Variants in PTPN9 observed in about 807,000 individuals in gnomAD.
PTPN9 encodes protein tyrosine phosphatase non-receptor type 9.
Under a neutral mutation model 69.8 loss-of-function variants are expected in PTPN9, and 26 were observed. The ratio of observed to expected loss-of-function variants is 0.37; its 90% CI spans 0.27 to 0.52. The LOEUF (loss-of-function observed/expected upper bound fraction) is 0.52, where lower values mean the gene tolerates loss of function less well. Ranked by LOEUF, PTPN9 falls within the 20% of genes least tolerant of loss-of-function variation. The probability of loss-of-function intolerance (pLI) is 0.91; values close to 1 mark genes in which losing one functional copy is unlikely to be tolerated. For missense variants in PTPN9, 549 were observed against 740.3 expected, an observed-to-expected ratio of 0.74 and a Z score of 3.00; for synonymous variants, 274 against 272.5, an observed-to-expected ratio of 1.01 and a Z score of -0.05.
At chr15:75,495,309 G>A (rs2074733569) in intron 7 of PTPN9, among the ~76,000 whole-genome samples, 3 of 151,888 alleles carry the variant, frequency 2.0e-5, no homozygotes, top group Admixed American at 6.6e-5. Flanking sequence ...AAAAAGTTCT[G>A]AAAGTGAGGT....
Position 75,486,905 on chromosome 15 carries a change from C to T in PTPN9, c.1062+3303G>A, listed in dbSNP as rs540914023. 2.1e-3 allele frequency among the ~76,000 whole-genome samples: 324 copies of T among 151,758 alleles called. 2 individuals are homozygous for T. Among genetic ancestry groups the T allele is most frequent in the African/African-American group, 7.4e-3 (306 of 41,356 alleles). On this transcript the variant is annotated intron_variant, in intron 8 of 12. Coordinates refer to ENST00000618819, the MANE Select transcript of PTPN9 (RefSeq NM_002833.4). ...GTTCATGCCATTCTCCTGCCTCGGC[C>T]TCCCGAGTAGCTGGGACTACAGGCG...
chr15:75,565,109 T>TA (rs2075121078), intron 1 of PTPN9, among the ~76,000 whole-genome samples: 1 of 141,808 alleles, frequency 7.1e-6, no homozygotes, highest in Admixed American at 7.2e-5. Flanking sequence ...TCAAAAAATA[T>TA]ATAATAATAA....
intron 1 of PTPN9, among the ~76,000 whole-genome samples, chr15:75,532,893 C>T (rs1177559461): frequency 6.6e-6 from 1 of 152,156 alleles, no homozygotes; most frequent in Non-Finnish European, 1.5e-5. Context: ...TTAACATGAC[C>T]ACTGAGTACA....
intron 8 of PTPN9, among the ~76,000 whole-genome samples, chr15:75,485,879 T>C (rs1041392183): frequency 6.6e-6 from 1 of 150,410 alleles, no homozygotes; most frequent in Admixed American, 6.6e-5. Context: ...GGCGGGCAGA[T>C]CACGAGGTCA....
intron 8 of PTPN9, among the ~76,000 whole-genome samples, chr15:75,482,255 G>C (rs1852213266): frequency 1.3e-5 from 2 of 152,004 alleles, no homozygotes; most frequent in East Asian, 3.9e-4. Flanking sequence ...GATGCTTGAA[G>C]GCAGCATGCT....
At chr15:75,576,493 T>G (rs1383700543) in intron 1 of PTPN9, among the ~76,000 whole-genome samples, 1 of 143,724 alleles carries the variant, frequency 7.0e-6, no homozygotes, top group African/African-American at 2.6e-5. Context: ...GATCACGCCA[T>G]TGTACTCCAG....
chr15:75,551,523 C>G (rs1034560239), intron 1 of PTPN9, among the ~76,000 whole-genome samples: 1 of 152,126 alleles, frequency 6.6e-6, no homozygotes, highest in African/African-American at 2.4e-5. Context: ...CAAAGCCCAG[C>G]TAATTTTTCT....
At chr15:75,489,098 C>T (rs1388884825) in intron 8 of PTPN9, among the ~76,000 whole-genome samples, 4 of 144,506 alleles carry the variant, frequency 2.8e-5, no homozygotes, top group African/African-American at 1.1e-4. Context: ...TGGCGTGAAC[C>T]TGGGAGGTGG....
At position 75,490,334 on chromosome 15, in the gene PTPN9, A is replaced by C. The variant is rs770571563; in HGVS notation, c.969-33T>G. ...AAACGAAACAAACAAGCAAGAATAA[A>C]GAAAAAGTGGGGACAGTATGTATGT... On this transcript the variant is annotated intron_variant, in intron 7 of 12. Transcript: ENST00000618819. The C allele has an allele frequency of 4.1e-6, 6 of 1,480,062 alleles. No homozygotes were observed. The South Asian group carries it at 5.7e-5, about 14-fold the overall frequency. The allele number at this position is 1,480,062 out of a possible 1,614,324, so 91.7% of individuals were successfully genotyped here. A position where few individuals can be genotyped will look rare whatever the true frequency, so the allele number is the denominator to read the frequency against.
At chr15:75,469,712 G>C (rs2074553731) in intron 12 of PTPN9, 80 bp downstream of exon 12, 1 of 1,463,536 alleles carries the variant, frequency 6.8e-7, no homozygotes, top group Admixed American at 1.7e-5. Flanking sequence ...TCCAATCACA[G>C]ATGTGGGCTA....
At chr15:75,538,131 G>C (rs1407555437) in intron 1 of PTPN9, among the ~76,000 whole-genome samples, 1 of 152,072 alleles carries the variant, frequency 6.6e-6, no homozygotes, top group South Asian at 2.1e-4. Flanking sequence ...CACATTACAG[G>C]CTTCTCCGAG....
At chr15:75,503,750 G>A (rs2074791516) in intron 7 of PTPN9, among the ~76,000 whole-genome samples, 1 of 108,936 alleles carries the variant, frequency 9.2e-6, no homozygotes, top group Non-Finnish European at 1.9e-5. Flanking sequence ...CCGGCCAGCC[G>A]CCCCATCCGG....
chr15:75,472,926 G>A (rs1470572991), intron 10 of PTPN9, among the ~76,000 whole-genome samples: 1 of 151,920 alleles, frequency 6.6e-6, no homozygotes, highest in African/African-American at 2.4e-5. Context: ...CTCCAGCCTG[G>A]TGGCAGAGTG....
intron 7 of PTPN9, among the ~76,000 whole-genome samples, chr15:75,504,571 GC>G (rs2074804247): frequency 7.1e-6 from 1 of 139,864 alleles, no homozygotes; most frequent in Non-Finnish European, 1.6e-5. Context: ...GGGCGCCTCT[GC>G]CCTGCCGCCC....
chr15:75,516,823 C>T (rs892410007), intron 5 of PTPN9, among the ~76,000 whole-genome samples: 5 of 149,056 alleles, frequency 3.4e-5, no homozygotes, highest in Non-Finnish European at 7.4e-5. Flanking sequence ...CGGCTCACTG[C>T]AACCTCTGCC....
At chr15:75,535,549 C>T (rs2074979331) in intron 1 of PTPN9, among the ~76,000 whole-genome samples, 1 of 152,022 alleles carries the variant, frequency 6.6e-6, no homozygotes, top group Admixed American at 6.6e-5. Context: ...AGAACAAACA[C>T]CATGAAAAAA....
At chr15:75,577,600 G>T (rs1444861887) in intron 1 of PTPN9, among the ~76,000 whole-genome samples, 1 of 152,120 alleles carries the variant, frequency 6.6e-6, no homozygotes, top group Non-Finnish European at 1.5e-5. Flanking sequence ...AAAAGACAAG[G>T]ACTTTAAAAA....
At chr15:75,504,170 G>GT (rs2074797805) in intron 7 of PTPN9, among the ~76,000 whole-genome samples, 1 of 130,848 alleles carries the variant, frequency 7.6e-6, no homozygotes, top group Non-Finnish European at 1.7e-5. Context: ...CGTCCGGGAG[G>GT]GAGGTGGGGG....
At chr15:75,489,399 G>A (rs2074697218) in intron 8 of PTPN9, among the ~76,000 whole-genome samples, 1 of 152,022 alleles carries the variant, frequency 6.6e-6, no homozygotes, top group Non-Finnish European at 1.5e-5. Context: ...GACCAGACTA[G>A]GCAACATAGT....
Sources: allele counts gnomAD v4.1 joint callset (sites outside exome capture counted in the v4.1 genomes callset), GRCh38; gene constraint gnomAD v4.1.1; transcripts MANE v1.5; gene names NCBI Gene and HGNC (gene_info 2026-07-23, HGNC 2026-07-21).